The following CASK variants were observed in gnomAD, a reference collection of about 807,000 sequenced individuals.
CASK encodes peripheral plasma membrane protein CASK.
In CASK, 4 loss-of-function variants were observed where a neutral mutation model predicts 82.9. That is an observed-to-expected ratio of 0.05 (90% CI 0.02 to 0.11). The LOEUF is 0.11. Ranked by LOEUF, CASK falls within the 10% of genes least tolerant of loss-of-function variation. The probability of loss-of-function intolerance (pLI) is 1.00; values close to 1 mark genes in which losing one functional copy is unlikely to be tolerated. For synonymous variants in CASK, 259 were observed against 253.5 expected (o/e 1.02, Z -0.20); for missense variants, 358 against 720.9 (o/e 0.50, Z 5.76).
intron 5 of CASK, among the ~76,000 whole-genome samples, chrX:41,676,974 C>A (rs376357369): frequency 9.0e-6 from 1 of 110,778 alleles, no homozygotes; most frequent in Non-Finnish European, 1.9e-5. Context: ...TTTACTGAAA[C>A]AGGGAACACT....
At chrX:41,792,726 T>C (rs772435342) in intron 2 of CASK, among the ~76,000 whole-genome samples, 1 of 112,267 alleles carries the variant, frequency 8.9e-6, no homozygotes, top group Non-Finnish European at 1.9e-5. Flanking sequence ...TTTTATCCAA[T>C]TCAATGTATA....
intron 11 of CASK, among the ~76,000 whole-genome samples, chrX:41,611,570 T>C (rs1170444010): frequency 9.2e-6 from 1 of 109,022 alleles, no homozygotes; most frequent in Non-Finnish European, 1.9e-5. Flanking sequence ...CACAGAGAAA[T>C]CTTCATGATA....
intron 2 of CASK, among the ~76,000 whole-genome samples, chrX:41,795,755 A>T (rs2069839637): frequency 9.0e-6 from 1 of 111,220 alleles, no homozygotes; most frequent in Non-Finnish European, 1.9e-5. Flanking sequence ...CACACAGTTG[A>T]GTGTAACTGC....
intron 1 of CASK, among the ~76,000 whole-genome samples, chrX:41,895,586 T>C (rs755548895): frequency 7.3e-4 from 81 of 110,813 alleles, no homozygotes; most frequent in South Asian, 3.9e-3. Flanking sequence ...CCTCTACAAA[T>C]CAAAAGACTG....
At chrX:41,742,055 A>T (rs2068604673) in intron 4 of CASK, among the ~76,000 whole-genome samples, 1 of 111,892 alleles carries the variant, frequency 8.9e-6, no homozygotes. Flanking sequence ...AATGCAGGTG[A>T]AAAGCCTAAT....
chrX:41,904,589 C>T (rs954298762), intron 1 of CASK, among the ~76,000 whole-genome samples: 1 of 111,979 alleles, frequency 8.9e-6, no homozygotes, highest in Non-Finnish European at 1.9e-5. Context: ...ATCAATTCTT[C>T]CCAAAGTGAT....
intron 1 of CASK, among the ~76,000 whole-genome samples, chrX:41,897,054 T>A (rs903776998): frequency 1.8e-5 from 2 of 111,929 alleles, no homozygotes; most frequent in African/African-American, 6.5e-5. Flanking sequence ...TAATTTTAAG[T>A]CATCTGCAAA....
At chrX:41,714,551 A>C (rs1161720850) in intron 5 of CASK, among the ~76,000 whole-genome samples, 2 of 111,739 alleles carry the variant, frequency 1.8e-5, no homozygotes, top group Non-Finnish European at 3.8e-5. Flanking sequence ...CAAGCCCACA[A>C]TCTGTAGAAT....
intron 6 of CASK, among the ~76,000 whole-genome samples, chrX:41,666,652 T>C (rs749027407): frequency 8.9e-5 from 10 of 111,750 alleles, no homozygotes; most frequent in Admixed American, 2.8e-4. Context: ...AGGATGTACC[T>C]TTGCTGCAGA....
chrX:41,780,945 G>A (rs763770678), intron 3 of CASK, among the ~76,000 whole-genome samples: 22 of 109,119 alleles, frequency 2.0e-4, no homozygotes, highest in African/African-American at 6.0e-4. Context: ...CACCAAGTCC[G>A]GCTTATTATT....
chrX:41,755,112 C>T, intron 3 of CASK, among the ~76,000 whole-genome samples: 1 of 110,656 alleles, frequency 9.0e-6, no homozygotes, highest in East Asian at 2.8e-4. Context: ...TTCTTGACCT[C>T]GTGATCTGCC....
intron 2 of CASK, among the ~76,000 whole-genome samples, chrX:41,847,752 C>T (rs1179636324): frequency 8.9e-6 from 1 of 112,196 alleles, no homozygotes; most frequent in African/African-American, 3.2e-5. Flanking sequence ...GGAACACATT[C>T]TGCAGTCTGT....
At chrX:41,544,635 A>C (rs1478146236) in intron 21 of CASK, among the ~76,000 whole-genome samples, 2 of 108,636 alleles carry the variant, frequency 1.8e-5, no homozygotes, top group Admixed American at 2.0e-4. Context: ...TGGGAGGCCA[A>C]GGAGGGAGGC....
Position 41,524,511 on chromosome X carries a change from T to C in CASK, c.2521-477A>G, listed in dbSNP as rs775549088. The C allele has an allele frequency of 2.6e-4, 37 of 144,181 alleles. 1 individual carries two copies. The South Asian group carries it at 6.2e-3, about 24-fold the overall frequency. 11.9% of individuals were successfully genotyped at this position (144,181 alleles called of 1,213,427 possible). ...TCTGTCCACTGTAACTGTGTGTTGC[T>C]CTGCAGAAAAGCCCCCTGGGACTCC... On this transcript the variant is annotated intron_variant, in intron 25 of 26. Coordinates refer to ENST00000378163, the MANE Select transcript of CASK (RefSeq NM_001367721.1).
chrX:41,518,100 C>T lies in CASK; in HGVS notation c.*2320G>A, dbSNP rs1360914913. The T allele has an allele frequency of 1.8e-5, 4 of 226,089 alleles. No individual in the cohort carries two copies. The highest frequency in any genetic ancestry group is 1.2e-4 in the African/African-American group (4 of 34,365). 18.6% of individuals were successfully genotyped at this position (226,089 alleles called of 1,213,427 possible). A position where few individuals can be genotyped will look rare whatever the true frequency, so the allele number is the denominator to read the frequency against. On this transcript the variant is annotated 3_prime_UTR_variant, in exon 27 of 27. Coordinates refer to ENST00000378163, the MANE Select transcript of CASK (RefSeq NM_001367721.1). ...TTAAGTTGGCATTGCTTTTCTCCTC[C>T]TCTGCTTAATCCACCTTTATAAATA...
At chrX:41,591,717 C>T (rs57107643) in intron 12 of CASK, among the ~76,000 whole-genome samples, 6 of 110,141 alleles carry the variant, frequency 5.4e-5, no homozygotes, top group South Asian at 4.0e-4. Flanking sequence ...CCTTGTGATC[C>T]GCCCGCCTCG....
chrX:41,786,556 T>C (rs758345408), intron 3 of CASK, among the ~76,000 whole-genome samples: 13 of 110,561 alleles, frequency 1.2e-4, no homozygotes, highest in African/African-American at 4.3e-4. Context: ...TTGAACAGAA[T>C]AGGATCAAAG....
chrX:41,863,033 C>T (rs762275658), intron 1 of CASK, among the ~76,000 whole-genome samples: 7 of 111,872 alleles, frequency 6.3e-5, no homozygotes, highest in African/African-American at 1.9e-4. Context: ...GTTCAAGGAA[C>T]GGGTCATGAT....
At chrX:41,708,829 A>G (rs1193398699) in intron 5 of CASK, among the ~76,000 whole-genome samples, 1 of 111,502 alleles carries the variant, frequency 9.0e-6, no homozygotes, top group African/African-American at 3.3e-5. Context: ...TTTCAGTGTT[A>G]TTATAAAATT....
Sources: allele counts gnomAD v4.1 joint callset (sites outside exome capture counted in the v4.1 genomes callset), GRCh38; gene constraint gnomAD v4.1.1; transcripts MANE v1.5; gene names NCBI Gene and HGNC (gene_info 2026-07-23, HGNC 2026-07-21).